Variants in C8orf34 observed in about 807,000 individuals in gnomAD.
C8orf34 encodes the protein chromosome 8 open reading frame 34.
In C8orf34, 65 loss-of-function variants were observed where a neutral mutation model predicts 68.3. The ratio of observed to expected loss-of-function variants is 0.95; its 90% CI spans 0.78 to 1.17. C8orf34 has a LOEUF of 1.17. Ranked by LOEUF, C8orf34 falls within the 50% of genes most tolerant of loss-of-function variation. C8orf34 has a pLI of 0.00. For missense variants in C8orf34, 664 were observed against 655.4 expected (o/e 1.01, Z -0.14); for synonymous variants, 244 against 241.2 (o/e 1.01, Z -0.11).
chr8:68,351,119 G>A (rs72663002), intron 1 of C8orf34, among the ~76,000 whole-genome samples: 4,332 of 151,982 alleles, frequency 0.029, 85 homozygotes, highest in Middle Eastern at 0.062. Flanking sequence ...TCTATATTAA[G>A]TGCTCCTTTC....
intron 1 of C8orf34, among the ~76,000 whole-genome samples, chr8:68,391,711 C>T (rs1156954023): frequency 6.6e-6 from 1 of 152,174 alleles, no homozygotes; most frequent in Non-Finnish European, 1.5e-5. Flanking sequence ...CACTCACACT[C>T]CATGTCCATC....
At chr8:68,611,612 G>T (rs1406776501) in intron 7 of C8orf34, among the ~76,000 whole-genome samples, 1 of 152,128 alleles carries the variant, frequency 6.6e-6, no homozygotes, top group Non-Finnish European at 1.5e-5. Context: ...TAAGCTGAAA[G>T]ATTATGCTCT....
chr8:68,542,149 G>T (rs1045216793), intron 7 of C8orf34, among the ~76,000 whole-genome samples: 1 of 152,006 alleles, frequency 6.6e-6, no homozygotes, highest in African/African-American at 2.4e-5. Context: ...GATGGTATTG[G>T]GCTTGTAGAA....
At chr8:68,437,639 T>A (rs909939880) in intron 1 of C8orf34, among the ~76,000 whole-genome samples, 3 of 152,184 alleles carry the variant, frequency 2.0e-5, no homozygotes, top group African/African-American at 7.2e-5. Context: ...ATGGCCTTTT[T>A]TAATTTATTA....
chr8:68,354,576 ATCCT>A (rs1421128216), intron 1 of C8orf34, among the ~76,000 whole-genome samples: 1 of 152,130 alleles, frequency 6.6e-6, no homozygotes, highest in East Asian at 1.9e-4. Context: ...GGGCTGCATC[ATCCT>A]TCCCTGATTG....
At chr8:68,394,027 G>C (rs1339551502) in intron 1 of C8orf34, among the ~76,000 whole-genome samples, 2 of 152,044 alleles carry the variant, frequency 1.3e-5, no homozygotes, top group African/African-American at 4.8e-5. Flanking sequence ...TGGGGGCTTC[G>C]AGTGGAGGAG....
intron 7 of C8orf34, among the ~76,000 whole-genome samples, chr8:68,609,139 A>G (rs1377389356): frequency 6.6e-6 from 1 of 151,972 alleles, no homozygotes; most frequent in African/African-American, 2.4e-5. Flanking sequence ...GCACCACTGA[A>G]CTCCAGCCTG....
Position 68,548,265 on chromosome 8 carries a change from A to C in C8orf34, c.1105+15116A>C, listed in dbSNP as rs1358886270. Among the ~76,000 whole-genome samples, 5 of 151,946 alleles carry C rather than the reference A, an allele frequency of 3.3e-5. No individual in the cohort carries two copies. The East Asian group carries it at 9.6e-4, about 29-fold the overall frequency. On this transcript the variant is annotated intron_variant, in intron 7 of 13. Transcript: ENST00000518698. Reference sequence around the variant, plus strand: ...AAATGCATTCCACTCACTGATTTAGATAAAATATATACAACATATTAAAAT... The same window carrying C: ...AAATGCATTCCACTCACTGATTTAGCTAAAATATATACAACATATTAAAAT...
At chr8:68,352,845 A>C (rs61263542) in intron 1 of C8orf34, among the ~76,000 whole-genome samples, 5,171 of 152,208 alleles carry the variant, frequency 0.034, 156 homozygotes, top group African/African-American at 0.082. Context: ...AGTTGTGAAC[A>C]ATAAGTATGT....
intron 8 of C8orf34, among the ~76,000 whole-genome samples, chr8:68,686,093 A>C (rs1820509174): frequency 6.6e-6 from 1 of 151,952 alleles, no homozygotes; most frequent in Non-Finnish European, 1.5e-5. Flanking sequence ...AGGAAGAAAT[A>C]GACAGACAAA....
At chr8:68,516,620 C>CTATTTACTTATTTATT in intron 5 of C8orf34, among the ~76,000 whole-genome samples, 1 of 150,168 alleles carries the variant, frequency 6.7e-6, no homozygotes, top group East Asian at 2.0e-4. Flanking sequence ...ACTGGGAATG[C>CTATTTACTTATTTATT]TATTTATTTA....
intron 1 of C8orf34, among the ~76,000 whole-genome samples, chr8:68,436,776 A>G (rs1372280701): frequency 2.0e-5 from 3 of 152,202 alleles, no homozygotes. Flanking sequence ...TTAACATACT[A>G]GCTGTGCAAC....
rs749973379 is a variant in C8orf34, at chr8:68,532,338, T to C, written c.939-645T>C. Among the ~76,000 whole-genome samples, 29 of 152,180 alleles carry C rather than the reference T, an allele frequency of 1.9e-4. 1 individual carries two copies. Among genetic ancestry groups the C allele is most frequent in the Non-Finnish European group, 3.2e-4 (22 of 68,032 alleles). ...GGGTCCAAAATGGAAGTAAGGTATC[T>C]ATACTTTACTCCAAGTGGTAAATGT... On this transcript the variant is annotated intron_variant, in intron 6 of 13. Coordinates refer to ENST00000518698, the MANE Select transcript of C8orf34 (RefSeq NM_052958.4).
At chr8:68,671,990 G>A (rs2130843949) in intron 8 of C8orf34, among the ~76,000 whole-genome samples, 1 of 152,242 alleles carries the variant, frequency 6.6e-6, no homozygotes, top group East Asian at 1.9e-4. Context: ...TGTAACAGAA[G>A]ACAGATTAAC....
intron 12 of C8orf34, among the ~76,000 whole-genome samples, chr8:68,813,574 T>C (rs1217218258): frequency 6.6e-6 from 1 of 152,104 alleles, no homozygotes; most frequent in African/African-American, 2.4e-5. Flanking sequence ...TTTGGTCTTA[T>C]TTGAAATGGT....
chr8:68,401,961 T>G (rs1294655286), intron 1 of C8orf34, among the ~76,000 whole-genome samples: 2 of 151,954 alleles, frequency 1.3e-5, no homozygotes, highest in South Asian at 2.1e-4. Context: ...TCCTCCTTGA[T>G]TTTTGGAACA....
intron 4 of C8orf34, among the ~76,000 whole-genome samples, chr8:68,469,323 T>C (rs776532539): frequency 3.3e-5 from 5 of 152,018 alleles, no homozygotes; most frequent in Admixed American, 6.6e-5. Flanking sequence ...GCCTAGGTTA[T>C]GGTTTTTCTC....
Position 68,460,369 on chromosome 8 carries a change from GACAA to G in C8orf34, c.608-8317_608-8314del, listed in dbSNP as rs1811752814. On this transcript the variant is annotated intron_variant, in intron 3 of 13. Coordinates refer to ENST00000518698, the MANE Select transcript of C8orf34 (RefSeq NM_052958.4). The stretch of plus-strand genomic sequence containing the variant: ...GCTCCACCTCTGGGGGCAGGGCACA[GACAA>G]ACAAAAAGACAGCAGTAACCTCTGC... Among the ~76,000 whole-genome samples, 3 of 152,344 alleles carry G rather than the reference GACAA, an allele frequency of 2.0e-5. No homozygotes were observed. In the South Asian group the frequency reaches 6.2e-4, roughly 32 times the overall value.
At chr8:68,419,426 C>T (rs1035763922) in intron 1 of C8orf34, among the ~76,000 whole-genome samples, 8 of 150,284 alleles carry the variant, frequency 5.3e-5, no homozygotes, top group Admixed American at 2.0e-4. Flanking sequence ...GTGGTGATTC[C>T]TCAGGGATCT....
Sources: allele counts gnomAD v4.1 joint callset (sites outside exome capture counted in the v4.1 genomes callset), GRCh38; gene constraint gnomAD v4.1.1; transcripts MANE v1.5; gene names NCBI Gene and HGNC (gene_info 2026-07-23, HGNC 2026-07-21).